The following KCNJ12 variants were observed in gnomAD, a reference collection of about 807,000 sequenced individuals.
KCNJ12 encodes potassium inwardly rectifying channel subfamily J member 12, also known as ATP-sensitive inward rectifier potassium channel 12.
Under a neutral mutation model 22.3 loss-of-function variants are expected in KCNJ12, and 2 were observed. That is an observed-to-expected ratio of 0.09 (90% CI 0.04 to 0.28). The LOEUF (loss-of-function observed/expected upper bound fraction) is 0.28. Ranked by LOEUF, KCNJ12 falls within the 10% of genes least tolerant of loss-of-function variation. The pLI is 1.00. For missense variants in KCNJ12, 155 were observed against 633.3 expected (o/e 0.24, Z 8.11); for synonymous variants, 117 against 261.4 (o/e 0.45, Z 5.33).
At chr17:21,385,987 G>A (rs1239402214) in intron 1 of KCNJ12, among the ~76,000 whole-genome samples, 1 of 152,220 alleles carries the variant, frequency 6.6e-6, no homozygotes, top group Non-Finnish European at 1.5e-5. Context: ...GGAGCACTGG[G>A]GCAGGAGTCT....
chr17:21,414,832 C>T (rs73313908), intron 2 of KCNJ12, among the ~76,000 whole-genome samples: 101 of 152,328 alleles, frequency 6.6e-4, no homozygotes, highest in African/African-American at 2.0e-3. Flanking sequence ...CTGTGCAGGT[C>T]CTGCATGTCC....
intron 2 of KCNJ12, among the ~76,000 whole-genome samples, chr17:21,410,855 TCA>T (rs1268130584): frequency 1.3e-5 from 2 of 152,294 alleles, no homozygotes; most frequent in Non-Finnish European, 2.9e-5. Context: ...GGGATAATAA[TCA>T]CAGTGTGATG....
At chr17:21,397,396 G>T (rs376972034) in intron 1 of KCNJ12, among the ~76,000 whole-genome samples, 3 of 152,212 alleles carry the variant, frequency 2.0e-5, no homozygotes, top group African/African-American at 4.8e-5. Context: ...TTCAGCGCCC[G>T]GCTGCCTGTG....
In KCNJ12 at chr17:21,407,944, A is replaced by G. The variant is rs1906071051; in HGVS notation, c.-178-575A>G. Among the ~76,000 whole-genome samples, 26 of 151,120 alleles carry G rather than the reference A, an allele frequency of 1.7e-4. No homozygotes were observed. The South Asian group carries it at 5.5e-3, about 32-fold the overall frequency. ...CATCTACCCACTCATCCATTTATCCATCCACCTACCCATTCATCCCTGCAT... is the reference window on the plus strand; with the variant it reads ...CATCTACCCACTCATCCATTTATCCGTCCACCTACCCATTCATCCCTGCAT... On this transcript the variant is annotated intron_variant, in intron 1 of 2. Transcript: ENST00000583088.
intron 2 of KCNJ12, among the ~76,000 whole-genome samples, chr17:21,414,847 G>A (rs1906599668): frequency 6.6e-6 from 1 of 152,310 alleles, no homozygotes; most frequent in Admixed American, 6.5e-5. Flanking sequence ...ATGTCCTGGG[G>A]GGCCTCTGGC....
At chr17:21,398,383 C>T (rs188003996) in intron 1 of KCNJ12, among the ~76,000 whole-genome samples, 378 of 152,248 alleles carry the variant, frequency 2.5e-3, no homozygotes, top group African/African-American at 7.0e-3. Flanking sequence ...CATGTGCAGC[C>T]GAGGGAATGA....
At position 21,376,378 on chromosome 17, in the gene KCNJ12, G is replaced by A. The variant is rs1904648113; in HGVS notation, c.-714G>A. On this transcript the variant is annotated 5_prime_UTR_variant, in exon 1 of 3. In the 5' UTR this introduces an upstream ATG that the reference lacks. Coordinates refer to ENST00000583088, the MANE Select transcript of KCNJ12 (RefSeq NM_021012.5). This position sits in a 1 kb window ranked among gnomAD's most constrained non-coding sequence, Gnocchi z 5.3. ...AGAGGAGTTGCCGAGCTGAGCTCCG[G>A]TGGAGCGAGGCGCGGAGCTGGGTGC... 1 of 151,782 alleles carries A rather than the reference G, an allele frequency of 6.6e-6. No individual in the cohort carries two copies. Among genetic ancestry groups the A allele is most frequent in the African/African-American group, 2.4e-5 (1 of 41,344 alleles). 9.4% of individuals were successfully genotyped at this position (151,782 alleles called of 1,614,324 possible). A position where few individuals can be genotyped will look rare whatever the true frequency, so the allele number is the denominator to read the frequency against.
chr17:21,383,231 G>A lies in KCNJ12; in HGVS notation c.-179+6318G>A, dbSNP rs1246412226. Among the ~76,000 whole-genome samples the A allele has an allele frequency of 5.3e-5, 8 of 152,348 alleles. 1 individual carries two copies. Among genetic ancestry groups the A allele is most frequent in the South Asian group, 2.1e-4 (1 of 4,832 alleles). ...GCTTGCTCCAGCTGCAGCCGGGCCCGAGCTGGCGGCTCCAGGCCTGCAATT... is the reference window on the plus strand; with the variant it reads ...GCTTGCTCCAGCTGCAGCCGGGCCCAAGCTGGCGGCTCCAGGCCTGCAATT... On this transcript the variant is annotated intron_variant, in intron 1 of 2. Transcript: ENST00000583088.
chr17:21,409,610 C>T (rs1906204071), intron 2 of KCNJ12, among the ~76,000 whole-genome samples: 1 of 152,312 alleles, frequency 6.6e-6, no homozygotes, highest in African/African-American at 2.4e-5. Context: ...CACCTGCTCC[C>T]ATCAGTCACT....
rs1212199650 is a variant in KCNJ12, at chr17:21,389,181, G to T, written c.-179+12268G>T. Among the ~76,000 whole-genome samples, 5 of 152,196 alleles carry T rather than the reference G, an allele frequency of 3.3e-5. No homozygotes were observed. In the East Asian group the frequency reaches 9.6e-4, roughly 29 times the overall value. On this transcript the variant is annotated intron_variant, in intron 1 of 2. Transcript: ENST00000583088. ...GGTCTGAGTCCTGCTATTCACAGGT[G>T]GAGAAATGGAGGCCGGGAGAAGGGG...
At chr17:21,410,416 T>C (rs1302238767) in intron 2 of KCNJ12, among the ~76,000 whole-genome samples, 2 of 152,246 alleles carry the variant, frequency 1.3e-5, no homozygotes, top group African/African-American at 4.8e-5. Flanking sequence ...TGAAGCTCTG[T>C]GGCTGAGGAA....
At chr17:21,405,871 G>A (rs1389016495) in intron 1 of KCNJ12, among the ~76,000 whole-genome samples, 1 of 152,306 alleles carries the variant, frequency 6.6e-6, no homozygotes, top group Non-Finnish European at 1.5e-5. Context: ...GTGACTTCAG[G>A]AAAGTCTCTT....
At chr17:21,409,870 A>G (rs565449867) in intron 2 of KCNJ12, among the ~76,000 whole-genome samples, 1 of 152,216 alleles carries the variant, frequency 6.6e-6, no homozygotes, top group East Asian at 1.9e-4. Context: ...GGAAGCCGTC[A>G]TGGCATTGGA....
chr17:21,413,978 G>GTCAGCCAGGGCGCAGCCGAT (rs1906530837), intron 2 of KCNJ12, among the ~76,000 whole-genome samples: 7 of 152,112 alleles, frequency 4.6e-5, no homozygotes, highest in Non-Finnish European at 7.4e-5. Context: ...CCTCGGCTGA[G>GTCAGCCAGGGCGCAGCCGAT]GTCAGCCAGG....
intron 1 of KCNJ12, among the ~76,000 whole-genome samples, chr17:21,406,156 G>C (rs1329176986): frequency 6.6e-6 from 1 of 152,308 alleles, no homozygotes; most frequent in African/African-American, 2.4e-5. Context: ...AGCTCCAGGT[G>C]ACTGGGCAGG....
At chr17:21,402,404 C>G (rs560946635) in intron 1 of KCNJ12, among the ~76,000 whole-genome samples, 1 of 152,426 alleles carries the variant, frequency 6.6e-6, no homozygotes, top group Admixed American at 6.5e-5. Context: ...GGCATGATGT[C>G]AGCACATAGT....
chr17:21,412,547 G>A lies in KCNJ12; in HGVS notation c.-56-2740G>A, dbSNP rs1262973868. On this transcript the variant is annotated intron_variant, in intron 2 of 2. Transcript: ENST00000583088. The stretch of plus-strand genomic sequence containing the variant: ...TGTCAGCTGGTGGCCTCACGCCGGC[G>A]TCTGAGTGCCCCGGCCCTGGCTGCC... 2.8e-4 allele frequency among the ~76,000 whole-genome samples: 42 copies of A among 152,416 alleles called. No homozygotes were observed. In the East Asian group the frequency reaches 4.4e-3, roughly 16 times the overall value.
intron 1 of KCNJ12, among the ~76,000 whole-genome samples, chr17:21,396,909 G>A (rs560008257): frequency 3.3e-5 from 5 of 152,298 alleles, no homozygotes; most frequent in African/African-American, 4.8e-5. Context: ...GGCTCTGGCC[G>A]GGGGTCATCG....
intron 1 of KCNJ12, among the ~76,000 whole-genome samples, chr17:21,402,839 C>CT: frequency 6.6e-6 from 1 of 152,424 alleles, no homozygotes. Flanking sequence ...CAAGGCAGGC[C>CT]TGGAGGGCTC....
Sources: allele counts gnomAD v4.1 joint callset (sites outside exome capture counted in the v4.1 genomes callset), GRCh38; gene constraint gnomAD v4.1.1; non-coding constraint Gnocchi (gnomAD v3.1); transcripts MANE v1.5; gene names NCBI Gene and HGNC (gene_info 2026-07-23, HGNC 2026-07-21).